The following LTBP3 variants were observed in gnomAD, a reference collection of about 807,000 sequenced individuals.
The protein encoded by LTBP3 is latent-transforming growth factor beta-binding protein 3.
In LTBP3, 97 loss-of-function variants were observed where a neutral mutation model predicts 159.7. The observed-to-expected ratio is 0.61, with a 90% CI of 0.52 to 0.72. The LOEUF (loss-of-function observed/expected upper bound fraction) is 0.72, where lower values mean the gene tolerates loss of function less well. Among genes scored for constraint, LTBP3 ranks in the 30% least tolerant of loss-of-function variants. LTBP3 has a pLI of 0.00. For synonymous variants in LTBP3, 824 were observed against 777.1 expected, an observed-to-expected ratio of 1.06 and a Z score of -1.00; for missense variants, 1,584 against 1,864.3, an observed-to-expected ratio of 0.85 and a Z score of 2.77.
chr11:65,548,074 A>T (rs769918436), intron 11 of LTBP3, 29 bp from the exon 12 acceptor site: 1 of 1,613,360 alleles, frequency 6.2e-7, no homozygotes, highest in Non-Finnish European at 8.5e-7. Flanking sequence ...CAAGCGGCAG[A>T]GCAGGGAGCG....
At position 65,540,607 on chromosome 11, in the gene LTBP3, G is replaced by C. The variant is rs779956995; in HGVS notation, c.2985C>G (p.Asp995Glu). 2.5e-6 allele frequency: 4 copies of C among 1,612,860 alleles called. No individual in the cohort carries two copies. Among genetic ancestry groups the C allele is most frequent in the Admixed American group, 1.7e-5 (1 of 59,970 alleles). ...NYGIPAHRDI[D>E]ECMLFGSEIC... ...TCTCCGACCCGAACAACATGCACTC[G>C]TCGATGTCTGCGGGGTGACAAACAC... Residue 995 changes from aspartate to glutamate, a missense_variant, in exon 22 of 28, where the codon GAC becomes GAG. Physicochemically the swap from Asp to Glu is conservative, Grantham distance 45. This residue lies in a region of LTBP3 where 514 missense variants were observed against 530.3 expected (regional missense o/e 0.97). Transcript: ENST00000301873.
At position 65,548,228 on chromosome 11, in the gene LTBP3, C is replaced by G. The variant is rs916000332; in HGVS notation, c.1721-183G>C. 6.0e-6 allele frequency: 5 copies of G among 829,404 alleles called. No homozygotes were observed. In the African/African-American group the frequency reaches 8.4e-5, roughly 14 times the overall value. The allele number at this position is 829,404 out of a possible 1,614,324, so 51.4% of individuals were successfully genotyped here. On this transcript the variant is annotated intron_variant, in intron 11 of 27. Transcript: ENST00000301873. The stretch of plus-strand genomic sequence containing the variant: ...CCAATATCAAGACCCCAGAAAGCTC[C>G]AAACTAGGACTCCAGGCCCCTGACA...
intron 19 of LTBP3, 100 bp from the exon 20 acceptor site, chr11:65,541,393 C>G: frequency 1.3e-6 from 2 of 1,482,626 alleles, no homozygotes; most frequent in Non-Finnish European, 1.9e-6. Context: ...TTCCCTGGCT[C>G]CCCTTAGCCT....
At chr11:65,545,315 G>C (rs1188878906) in intron 16 of LTBP3, 1 of 207,974 alleles carries the variant, frequency 4.8e-6, no homozygotes, top group Non-Finnish European at 9.8e-6. Context: ...CCTTGGGTTG[G>C]CTAAGCAGGC....
In LTBP3 at chr11:65,557,929, G is replaced by C; in HGVS notation, c.31C>G (p.Leu11Val). The change falls in exon 1 of 28, where the codon CTG becomes GTG. Residue 11 changes from leucine to valine, a missense_variant. This residue lies in a region of LTBP3 where 79 missense variants were observed against 64.7 expected (regional missense o/e 1.22). Coordinates refer to ENST00000301873, the MANE Select transcript of LTBP3 (RefSeq NM_001130144.3). MPGPRGAAGG[L>V]APEMRGAGAA... is the part of the protein sequence containing the mutation. ...CCCGCCCCGCGCATCTCAGGGGCCA[G>C]GCCGCCAGCAGCCCCTCGGGGCCCG... is the stretch of plus-strand genomic sequence containing the variant. The C allele has an allele frequency of 8.1e-7, 1 of 1,227,266 alleles. No homozygotes were observed. The highest frequency in any genetic ancestry group is 2.5e-5 in the South Asian group (1 of 39,466). 76.0% of individuals were successfully genotyped at this position (1,227,266 alleles called of 1,614,324 possible). A position where few individuals can be genotyped will look rare whatever the true frequency, so the allele number is the denominator to read the frequency against.
Position 65,539,011 on chromosome 11 carries a change from A to G in LTBP3, c.*69T>C, listed in dbSNP as rs1329268847. ...GGTCCGAGCCACAAGTCGGGGCAGA[A>G]GTGAGGCCGAGCTCGCGGAAATCCC... On this transcript the variant is annotated 3_prime_UTR_variant, in exon 28 of 28. Transcript: ENST00000301873. 4.8e-5 allele frequency: 63 copies of G among 1,322,476 alleles called. No homozygotes were observed. In the East Asian group the frequency reaches 2.0e-3, roughly 42 times the overall value. The allele number at this position is 1,322,476 out of a possible 1,614,324, so 81.9% of individuals were successfully genotyped here. A position where few individuals can be genotyped will look rare whatever the true frequency, so the allele number is the denominator to read the frequency against.
In LTBP3 at chr11:65,546,798, C is replaced by T. The variant is rs1856392636; in HGVS notation, c.2230G>A (p.Asp744Asn). Residue 744 changes from aspartate to asparagine, a missense_variant and splice_region_variant, in exon 15 of 28, where the codon GAC becomes AAC. Physicochemically the swap from Asp to Asn is conservative, Grantham distance 23. Around this residue, in one of 6 missense-constraint regions of LTBP3, gnomAD observed 565 missense variants for 677.7 expected, o/e 0.83. Transcript: ENST00000301873. The surrounding 1 kb of genome is among the most constrained non-coding windows in gnomAD (Gnocchi z 4.0). ...YRSQGGGACR[D>N]VNECAEGSPC... ...ACTCGGCTCCGGGCCCCGCCCTCAC[C>T]GCGACAGGCCCCGCCCCCCTGGCTG... 1 of 1,602,798 alleles carries T rather than the reference C, an allele frequency of 6.2e-7. No individual in the cohort carries two copies. Among genetic ancestry groups the T allele is most frequent in the East Asian group, 2.2e-5 (1 of 44,868 alleles).
In LTBP3 at chr11:65,547,999, C is replaced by T; in HGVS notation, c.1767G>A (p.Glu589=). 6.2e-7 allele frequency: 1 copy of T among 1,613,866 alleles called. No individual in the cohort carries two copies. The highest frequency in any genetic ancestry group is 2.2e-5 in the East Asian group (1 of 44,878). ...RLNQNICGHG[E]CVPGPPDYSC... is the part of the protein sequence containing the mutation. ...AGTAGTCAGGGGGGCCCGGCACGCACTCTCCGTGGCCACAGATGTTCTGGT... is the reference window on the plus strand; with the variant it reads ...AGTAGTCAGGGGGGCCCGGCACGCATTCTCCGTGGCCACAGATGTTCTGGT... The change falls in exon 12 of 28, where the codon GAG becomes GAA. Residue 589 remains glutamate, a synonymous_variant. Transcript: ENST00000301873. This position sits in a 1 kb window ranked among gnomAD's most constrained non-coding sequence, Gnocchi z 4.6.
In LTBP3 at chr11:65,543,458, G is replaced by T. The variant is rs1362887539; in HGVS notation, c.2445C>A (p.Tyr815Ter). The T allele has an allele frequency of 6.2e-7, 1 of 1,614,128 alleles. No homozygotes were observed. The highest frequency in any genetic ancestry group is 1.1e-5 in the South Asian group (1 of 91,086). Residue 815 changes from tyrosine (Y) to a stop codon, truncating the protein, a stop_gained, in exon 17 of 28, where the codon TAC (tyrosine) becomes TAA (stop). Transcript: ENST00000301873. LOFTEE classifies it high-confidence loss of function. Reference sequence around the variant, plus strand: ...AGTGGCTCCGGTCCCTGGACAGATGGTAGCCAGAGAGGCACTGACACTGGA... The same window carrying T: ...AGTGGCTCCGGTCCCTGGACAGATGTTAGCCAGAGAGGCACTGACACTGGA... ...GSFQCQCLSG[Y>*]HLSRDRSHCE...
chr11:65,545,690 C>T, intron 16 of LTBP3: 1 of 227,038 alleles, frequency 4.4e-6, no homozygotes, highest in Non-Finnish European at 8.8e-6. Context: ...GACCTCCCTC[C>T]ACAATCAGCA....
At chr11:65,543,035 G>C in intron 18 of LTBP3, 70 bp downstream of exon 18, 3 of 1,598,780 alleles carry the variant, frequency 1.9e-6, no homozygotes, top group Non-Finnish European at 2.6e-6. Flanking sequence ...ATGGAGAAAG[G>C]CCACAGTGTG....
intron 18 of LTBP3, chr11:65,542,352 AAC>A (rs1271037614): frequency 1.9e-5 from 3 of 154,678 alleles, no homozygotes; most frequent in Non-Finnish European, 4.3e-5. Flanking sequence ...CAAAGCACAG[AAC>A]CTGGAAAATA....
chr11:65,547,970 CAGG>C lies in LTBP3; in HGVS notation c.1793_1795del (p.Ser598del), dbSNP rs772107518. On this transcript the variant is annotated inframe_deletion, in exon 12 of 28. Transcript: ENST00000301873. This position sits in a 1 kb window ranked among gnomAD's most constrained non-coding sequence, Gnocchi z 4.6. ...TGACCGGTAGCCGGGGTTGCAGTGG[CAGG>C]AGTAGTCAGGGGGGCCCGGCACGCA... 2 of 1,613,872 alleles carry C rather than the reference CAGG, an allele frequency of 1.2e-6. No individual in the cohort carries two copies. The highest frequency in any genetic ancestry group is 3.3e-5 in the Admixed American group (2 of 60,024).
In LTBP3 at chr11:65,552,434, ATC is replaced by A. The variant is rs779328976; in HGVS notation, c.1187-30_1187-29del. The A allele has an allele frequency of 5.6e-6, 9 of 1,609,638 alleles. No homozygotes were observed. Among genetic ancestry groups the A allele is most frequent in the Non-Finnish European group, 7.6e-6 (9 of 1,179,840 alleles). On this transcript the variant is annotated intron_variant, in intron 6 of 27. Transcript: ENST00000301873. This position sits in a 1 kb window ranked among gnomAD's most constrained non-coding sequence, Gnocchi z 6.0. ...GCAGGGGCCAGTGGGGGGCATGGGC[ATC>A]TGAGCCTGCACATTGCCCACGTCCC...
intron 11 of LTBP3, 76 bp from the exon 12 acceptor site, chr11:65,548,121 A>G: frequency 6.2e-7 from 1 of 1,601,048 alleles, no homozygotes; most frequent in South Asian, 1.1e-5. Context: ...AGACCTCAAC[A>G]CCCCAGTCAC....
At chr11:65,551,844 G>A (rs940005464) in intron 8 of LTBP3, 128 bp downstream of exon 8, 7 of 1,143,364 alleles carry the variant, frequency 6.1e-6, no homozygotes, top group Non-Finnish European at 7.8e-6. Flanking sequence ...TCAGGTGGGA[G>A]GTCAGTGGAT....
In LTBP3 at chr11:65,547,912, G is replaced by A. The variant is rs749446693; in HGVS notation, c.1846+8C>T. On this transcript the variant is annotated splice_region_variant and intron_variant, in intron 12 of 27. Transcript: ENST00000301873. The surrounding 1 kb of genome is among the most constrained non-coding windows in gnomAD (Gnocchi z 4.6). ...CACCTGCATGCCCGCCGCCTGCCCT[G>A]CGCTCACCCACGCAGTAGCGGTGCT... The A allele has an allele frequency of 6.2e-7, 1 of 1,613,554 alleles. No individual in the cohort carries two copies. The highest frequency in any genetic ancestry group is 8.5e-7 in the Non-Finnish European group (1 of 1,179,974).
At position 65,540,067 on chromosome 11, in the gene LTBP3, G is replaced by A; in HGVS notation, c.3331C>T (p.Pro1111Ser). ...CGGCCGGAGGGCCCGGGCACCCAGG[G>A]CGGGCGACACTCGCAGCGGTAGGAG... is the stretch of plus-strand genomic sequence containing the variant. The part of the protein sequence containing the change: ...PGSYRCECRP[P>S]WVPGPSGRDC... Residue 1111 changes from proline to serine, a missense_variant, in exon 24 of 28, where the codon CCC becomes TCC. Pro to Ser is a moderately conservative substitution (Grantham distance 74). Transcript: ENST00000301873. 2 of 1,524,606 alleles carry A rather than the reference G, an allele frequency of 1.3e-6. No homozygotes were observed. Among genetic ancestry groups the A allele is most frequent in the Non-Finnish European group, 1.8e-6 (2 of 1,141,426 alleles). The allele number at this position is 1,524,606 out of a possible 1,614,324, so 94.4% of individuals were successfully genotyped here.
chr11:65,547,129 C>A lies in LTBP3; in HGVS notation c.2108-209G>T, dbSNP rs1261674820. 1.3e-5 allele frequency among the ~76,000 whole-genome samples: 2 copies of A among 152,168 alleles called. No homozygotes were observed. Among genetic ancestry groups the A allele is most frequent in the Admixed American group, 1.3e-4 (2 of 15,286 alleles). On this transcript the variant is annotated intron_variant, in intron 14 of 27. Coordinates refer to ENST00000301873, the MANE Select transcript of LTBP3 (RefSeq NM_001130144.3). The surrounding 1 kb of genome is among the most constrained non-coding windows in gnomAD (Gnocchi z 4.6). The stretch of plus-strand genomic sequence containing the variant: ...TTGGGAGGCCGAGGCGGGTGGATCA[C>A]CTGAGGTCAGGAGTTCGAGACCAGC...
Sources: allele counts gnomAD v4.1 joint callset (sites outside exome capture counted in the v4.1 genomes callset), GRCh38; gene constraint gnomAD v4.1.1; regional missense constraint gnomAD v4.1.1; non-coding constraint Gnocchi (gnomAD v3.1); transcripts MANE v1.5; gene names NCBI Gene and HGNC (gene_info 2026-07-23, HGNC 2026-07-21).